The following PAPPA2 variants were observed in gnomAD, a reference collection of about 807,000 sequenced individuals.
PAPPA2 encodes pappalysin-2.
PAPPA2 carries 86 observed loss-of-function variants against 176.4 expected under a neutral mutation model. That is an observed-to-expected ratio of 0.49 (90% CI 0.41 to 0.58). PAPPA2 has a LOEUF of 0.58. PAPPA2 is among the 20% of genes least tolerant of loss of function. The probability of loss-of-function intolerance (pLI) is 0.00; values close to 1 mark genes in which losing one functional copy is unlikely to be tolerated. For synonymous variants in PAPPA2, 809 were observed against 852.2 expected, an observed-to-expected ratio of 0.95 and a Z score of 0.88; for missense variants, 2,073 against 2,256.9, an observed-to-expected ratio of 0.92 and a Z score of 1.65.
intron 3 of PAPPA2, among the ~76,000 whole-genome samples, chr1:176,632,397 G>A (rs929253801): frequency 7.9e-5 from 12 of 152,170 alleles, no homozygotes; most frequent in African/African-American, 2.6e-4. Context: ...AGTCAGTGGG[G>A]AAGGGATCAA....
At chr1:176,663,062 G>A (rs879538873) in intron 3 of PAPPA2, among the ~76,000 whole-genome samples, 6 of 152,104 alleles carry the variant, frequency 3.9e-5, no homozygotes, top group Admixed American at 6.6e-5. Flanking sequence ...TTCACGCAGG[G>A]ATCATCTCAC....
chr1:176,667,820 C>G (rs1044194407), intron 3 of PAPPA2, among the ~76,000 whole-genome samples: 12 of 152,144 alleles, frequency 7.9e-5, no homozygotes, highest in Admixed American at 4.6e-4. Context: ...TGAATAATTC[C>G]TATCAATCTA....
intron 3 of PAPPA2, among the ~76,000 whole-genome samples, chr1:176,667,350 G>T (rs1286358934): frequency 6.6e-6 from 1 of 152,164 alleles, no homozygotes; most frequent in Non-Finnish European, 1.5e-5. Context: ...TAAGGGGAGA[G>T]CCCAGGAATC....
At chr1:176,641,940 A>G (rs571804007) in intron 3 of PAPPA2, among the ~76,000 whole-genome samples, 40 of 152,056 alleles carry the variant, frequency 2.6e-4, no homozygotes, top group African/African-American at 5.8e-4. Flanking sequence ...AGCCAGTTCA[A>G]ATAGTCACAT....
intron 21 of PAPPA2, among the ~76,000 whole-genome samples, chr1:176,823,033 C>A (rs370108124): frequency 1.4e-4 from 22 of 152,298 alleles, no homozygotes; most frequent in African/African-American, 5.3e-4. Context: ...CAAGTAATAA[C>A]AATTAACAAT....
chr1:176,550,900 G>A (rs1650909956), intron 1 of PAPPA2, among the ~76,000 whole-genome samples: 1 of 152,132 alleles, frequency 6.6e-6, no homozygotes. Flanking sequence ...TTGCCGGGAT[G>A]TGGAACCTGG....
intron 21 of PAPPA2, among the ~76,000 whole-genome samples, chr1:176,805,808 C>T (rs929435948): frequency 2.0e-5 from 3 of 151,830 alleles, no homozygotes; most frequent in African/African-American, 7.3e-5. Flanking sequence ...CATAGCAAGA[C>T]CCTCATCTTT....
At position 176,769,561 on chromosome 1, in the gene PAPPA2, A is replaced by G. The variant is rs758506753; in HGVS notation, c.4324-46A>G. On this transcript the variant is annotated intron_variant, in intron 15 of 22. Coordinates refer to ENST00000367662, the MANE Select transcript of PAPPA2 (RefSeq NM_020318.3). ...TCTAAAGCCTGGAAACTACTCTGAT[A>G]CGCCTTTTAATGTGACTTTGACAGA... The G allele has an allele frequency of 1.9e-6, 3 of 1,564,990 alleles. No individual in the cohort carries two copies. In the South Asian group the frequency reaches 3.4e-5, roughly 18 times the overall value.
At chr1:176,592,642 G>A (rs1276208404) in intron 2 of PAPPA2, among the ~76,000 whole-genome samples, 6 of 152,074 alleles carry the variant, frequency 3.9e-5, no homozygotes, top group Admixed American at 2.0e-4. Flanking sequence ...TAATTATCTG[G>A]TAACTTATAT....
At chr1:176,602,448 T>G (rs926134541) in intron 3 of PAPPA2, among the ~76,000 whole-genome samples, 1 of 152,176 alleles carries the variant, frequency 6.6e-6, no homozygotes, top group Non-Finnish European at 1.5e-5. Flanking sequence ...GGTGAAGAAG[T>G]TGATGCTGCA....
chr1:176,545,415 A>AAAAT (rs55993766), intron 1 of PAPPA2, among the ~76,000 whole-genome samples: 16,832 of 146,242 alleles, frequency 0.12, 1,089 homozygotes, highest in African/African-American at 0.16. Context: ...AACCTCAGAA[A>AAAAT]AAATAAATAA....
At chr1:176,742,268 T>G (rs957923657) in intron 14 of PAPPA2, among the ~76,000 whole-genome samples, 1 of 152,098 alleles carries the variant, frequency 6.6e-6, no homozygotes, top group African/African-American at 2.4e-5. Flanking sequence ...AGTTGCCGAC[T>G]TTATCTCTAA....
At chr1:176,634,235 C>G (rs1656526567) in intron 3 of PAPPA2, among the ~76,000 whole-genome samples, 1 of 152,302 alleles carries the variant, frequency 6.6e-6, no homozygotes, top group Middle Eastern at 3.4e-3. Flanking sequence ...AAATGTGGCA[C>G]TTATACACCA....
intron 1 of PAPPA2, among the ~76,000 whole-genome samples, chr1:176,475,220 A>G (rs1451107909): frequency 6.6e-6 from 1 of 152,194 alleles, no homozygotes; most frequent in Admixed American, 6.5e-5. Flanking sequence ...TGAGAAAGCC[A>G]CACTGTCATT....
chr1:176,562,781 C>A (rs1651750056), intron 2 of PAPPA2, among the ~76,000 whole-genome samples: 1 of 152,188 alleles, frequency 6.6e-6, no homozygotes, highest in African/African-American at 2.4e-5. Flanking sequence ...AAATTAGCAT[C>A]TTTGTGTAGA....
chr1:176,646,636 A>G (rs1392167116), intron 3 of PAPPA2, among the ~76,000 whole-genome samples: 1 of 150,378 alleles, frequency 6.6e-6, no homozygotes, highest in Non-Finnish European at 1.5e-5. Flanking sequence ...ATTTTTAGCT[A>G]CCATAAATAA....
intron 3 of PAPPA2, among the ~76,000 whole-genome samples, chr1:176,666,600 TGTGTGTGTGAGAGA>T (rs1558506247): frequency 7.8e-6 from 1 of 129,018 alleles, no homozygotes; most frequent in Non-Finnish European, 1.6e-5. Flanking sequence ...TGTGTGTGTG[TGTGTGTGTGAGAGA>T]GAGAGAGAGA....
At chr1:176,752,666 C>G (rs1471987505) in intron 14 of PAPPA2, among the ~76,000 whole-genome samples, 1 of 152,128 alleles carries the variant, frequency 6.6e-6, no homozygotes, top group Non-Finnish European at 1.5e-5. Flanking sequence ...TTTACTGTTC[C>G]CTGAAGCAGG....
At chr1:176,789,619 A>G (rs1027570241) in intron 17 of PAPPA2, among the ~76,000 whole-genome samples, 190 bp from the exon 18 acceptor site, 4 of 152,274 alleles carry the variant, frequency 2.6e-5, no homozygotes, top group Non-Finnish European at 5.9e-5. Flanking sequence ...ACTACTTTGA[A>G]TAATAAATGA....
Sources: allele counts gnomAD v4.1 joint callset (sites outside exome capture counted in the v4.1 genomes callset), GRCh38; gene constraint gnomAD v4.1.1; transcripts MANE v1.5; gene names NCBI Gene and HGNC (gene_info 2026-07-23, HGNC 2026-07-21).